LRCH3: variants seen among roughly 807,000 people sequenced by gnomAD.
LRCH3 encodes the protein DISP complex protein LRCH3.
A neutral mutation model predicts 104.5 loss-of-function variants in LRCH3; 68 were observed. That is an observed-to-expected ratio of 0.65 (90% CI 0.54 to 0.80). LRCH3 has a LOEUF of 0.80. LRCH3 is among the 30% of genes least tolerant of loss of function. LRCH3 has a pLI of 0.00. For synonymous variants in LRCH3, 344 were observed against 361.3 expected (o/e 0.95, Z 0.54); for missense variants, 951 against 953.9 (o/e 1.00, Z 0.04).
intron 14 of LRCH3, among the ~76,000 whole-genome samples, chr3:197,857,769 C>T (rs374152722): frequency 5.9e-5 from 9 of 152,186 alleles, no homozygotes; most frequent in African/African-American, 1.9e-4. Context: ...ACCATTGTCA[C>T]AGTTTTGCTC....
At chr3:197,826,573 G>A (rs77348536) in intron 4 of LRCH3, among the ~76,000 whole-genome samples, 1,827 of 152,294 alleles carry the variant, frequency 0.012, 32 homozygotes, top group Middle Eastern at 0.041. Flanking sequence ...TATGTAGAGT[G>A]TTATCTAATC....
intron 1 of LRCH3, among the ~76,000 whole-genome samples, chr3:197,802,263 A>G (rs28787089): frequency 0.01 from 1,568 of 152,356 alleles, 14 homozygotes; most frequent in African/African-American, 0.036. Context: ...TCACAGTTCC[A>G]GGAATTAGAG....
chr3:197,835,291 C>G (rs928351821), intron 8 of LRCH3, among the ~76,000 whole-genome samples: 1 of 151,570 alleles, frequency 6.6e-6, no homozygotes, highest in Non-Finnish European at 1.5e-5. Flanking sequence ...TCAAGCAATT[C>G]TCTTGTCTCA....
chr3:197,804,007 C>A (rs1390613619), intron 1 of LRCH3, among the ~76,000 whole-genome samples: 3 of 152,146 alleles, frequency 2.0e-5, no homozygotes, highest in Non-Finnish European at 2.9e-5. Context: ...CCTGTAATCC[C>A]AGCACTTTGG....
At chr3:197,805,230 T>C (rs978919700) in intron 1 of LRCH3, among the ~76,000 whole-genome samples, 3 of 152,190 alleles carry the variant, frequency 2.0e-5, no homozygotes, top group African/African-American at 4.8e-5. Context: ...GAATATGTGA[T>C]TGCTTTTCCT....
chr3:197,807,707 T>C lies in LRCH3; in HGVS notation c.263-7201T>C, dbSNP rs1288012277. On this transcript the variant is annotated intron_variant, in intron 1 of 20. Transcript: ENST00000425562. ...CTTCCTGTGGGGTTCGTGAACATTTTTTAGAATTCCATTTTTATTTCTCTG... is the reference window on the plus strand; with the variant it reads ...CTTCCTGTGGGGTTCGTGAACATTTCTTAGAATTCCATTTTTATTTCTCTG... Among the ~76,000 whole-genome samples the C allele has an allele frequency of 1.7e-4, 26 of 152,222 alleles. 1 individual carries two copies. The highest frequency in any genetic ancestry group is 1.7e-3 in the Admixed American group (26 of 15,278).
chr3:197,870,404 C>CTAA, intron 18 of LRCH3, 126 bp downstream of exon 18: 2 of 919,188 alleles, frequency 2.2e-6, no homozygotes, highest in Non-Finnish European at 3.1e-6. Context: ...CTCACTCTGT[C>CTAA]ACCCAGGCTG....
Position 197,854,482 on chromosome 3 carries a change from G to A in LRCH3, c.1644+37G>A. ...GCACAAAACGGAGTTTCGCATTTCTGTGTTTAGAGATTGTACTTTTTATTC... is the reference window on the plus strand; with the variant it reads ...GCACAAAACGGAGTTTCGCATTTCTATGTTTAGAGATTGTACTTTTTATTC... On this transcript the variant is annotated intron_variant, in intron 14 of 20. Transcript: ENST00000425562. The surrounding 1 kb of genome is among the most constrained non-coding windows in gnomAD (Gnocchi z 4.5). The A allele has an allele frequency of 4.4e-6, 7 of 1,585,018 alleles. No individual in the cohort carries two copies. The highest frequency in any genetic ancestry group is 5.2e-6 in the Non-Finnish European group (6 of 1,153,466).
intron 1 of LRCH3, among the ~76,000 whole-genome samples, chr3:197,801,468 A>G (rs1263348079): frequency 6.6e-6 from 1 of 152,104 alleles, no homozygotes; most frequent in African/African-American, 2.4e-5. Context: ...TGATTTATTC[A>G]CTTTTCTTCA....
Position 197,824,642 on chromosome 3 carries a change from C to T in LRCH3, c.641-2236C>T, listed in dbSNP as rs538286217. Among the ~76,000 whole-genome samples the T allele has an allele frequency of 3.2e-4, 48 of 150,100 alleles. 1 individual carries two copies. In the South Asian group the frequency reaches 8.3e-3, roughly 26 times the overall value. On this transcript the variant is annotated intron_variant, in intron 4 of 20. Coordinates refer to ENST00000425562, the MANE Select transcript of LRCH3 (RefSeq NM_001365715.1). ...AGTACAGTGGCGCGATCTCGGCTCA[C>T]GGTAACCTCTGCCCCCCCGTCCCGG... is the stretch of plus-strand genomic sequence containing the variant.
chr3:197,835,826 G>C lies in LRCH3; in HGVS notation c.1251+4G>C, dbSNP rs1397493835. The C allele has an allele frequency of 6.2e-7, 1 of 1,613,668 alleles. No homozygotes were observed. The highest frequency in any genetic ancestry group is 1.7e-5 in the Admixed American group (1 of 59,984). ...ACAGCGGCGAATCTCTCATGAGGTA[G>C]TACACAGATTGAAGCCTAAATATGT... On this transcript the variant is annotated splice_donor_region_variant and intron_variant, in intron 9 of 20. Coordinates refer to ENST00000425562, the MANE Select transcript of LRCH3 (RefSeq NM_001365715.1).
chr3:197,815,135 T>C (rs1733658393), intron 2 of LRCH3, 83 bp downstream of exon 2: 1 of 776,730 alleles, frequency 1.3e-6, no homozygotes, highest in East Asian at 2.9e-5. Flanking sequence ...TATTTACCTA[T>C]ATATATGCTA....
chr3:197,839,157 GTA>G (rs1273710176), intron 9 of LRCH3, among the ~76,000 whole-genome samples, 162 bp from the exon 10 acceptor site: 2 of 152,180 alleles, frequency 1.3e-5, no homozygotes, highest in South Asian at 2.1e-4. Flanking sequence ...TAAAGCAGCA[GTA>G]TAGCATATGA....
chr3:197,814,868 C>G (rs1240814437), intron 1 of LRCH3, 40 bp from the exon 2 acceptor site: 1 of 1,518,218 alleles, frequency 6.6e-7, no homozygotes, highest in Admixed American at 2.2e-5. Flanking sequence ...AAAATAAGTT[C>G]CAAGGACTGA....
intron 9 of LRCH3, 101 bp downstream of exon 9, chr3:197,835,923 C>G: frequency 7.8e-7 from 1 of 1,275,434 alleles, no homozygotes. Flanking sequence ...TGACTGAAGC[C>G]TAATTGTTTT....
chr3:197,847,507 A>G (rs1168768351), intron 11 of LRCH3, 47 bp downstream of exon 11: 1 of 1,512,012 alleles, frequency 6.6e-7, no homozygotes, highest in African/African-American at 1.4e-5. Context: ...AACTAAGATG[A>G]TTTTTTTTCT....
At chr3:197,875,033 T>C (rs60454982) in intron 19 of LRCH3, among the ~76,000 whole-genome samples, 27,869 of 151,688 alleles carry the variant, frequency 0.18, 3,776 homozygotes, top group African/African-American at 0.39. Context: ...CGGGTTCAAG[T>C]GATTCTCGTG....
At position 197,883,303 on chromosome 3, in the gene LRCH3, A is replaced by G. The variant is rs546070164; in HGVS notation, c.2209-238A>G. 103 of 1,291,944 alleles carry G rather than the reference A, an allele frequency of 8.0e-5. No individual in the cohort carries two copies. Among genetic ancestry groups the G allele is most frequent in the Non-Finnish European group, 9.8e-5 (100 of 1,017,220 alleles). 80.0% of individuals were successfully genotyped at this position (1,291,944 alleles called of 1,614,324 possible). ...ATGTATAGATATATGCTACTTGTCAATTTTCCAATTTTGAAAATGATCTGT... is the reference window on the plus strand; with the variant it reads ...ATGTATAGATATATGCTACTTGTCAGTTTTCCAATTTTGAAAATGATCTGT... On this transcript the variant is annotated intron_variant, in intron 20 of 20. Transcript: ENST00000425562. The surrounding 1 kb of genome is among the most constrained non-coding windows in gnomAD (Gnocchi z 4.2).
intron 15 of LRCH3, among the ~76,000 whole-genome samples, chr3:197,862,967 A>G (rs1741055957): frequency 6.6e-6 from 1 of 152,158 alleles, no homozygotes; most frequent in African/African-American, 2.4e-5. Flanking sequence ...AATTTTCTCA[A>G]CATATGGCCT....
Sources: gnomAD v4.1 joint callset for allele counts (sites outside exome capture counted in the v4.1 genomes callset) on GRCh38, gnomAD v4.1.1 for gene constraint, Gnocchi (gnomAD v3.1) non-coding constraint, MANE v1.5 for transcripts, NCBI Gene and HGNC (gene_info 2026-07-23, HGNC 2026-07-21) for gene names.